The following OR4D1 variants were observed in gnomAD, a reference collection of about 807,000 sequenced individuals.
OR4D1 encodes olfactory receptor 4D1.
In OR4D1, 10 loss-of-function variants were observed where a neutral mutation model predicts 14.2. That is an observed-to-expected ratio of 0.71 (90% CI 0.44 to 1.20). The LOEUF (loss-of-function observed/expected upper bound fraction) is 1.20. OR4D1 is among the 50% of genes most tolerant of loss of function. OR4D1 has a pLI of 0.00. For synonymous variants in OR4D1, 141 were observed against 147.4 expected, an observed-to-expected ratio of 0.96 and a Z score of 0.32; for missense variants, 345 against 376.6, an observed-to-expected ratio of 0.92 and a Z score of 0.70.
rs773583166 is a variant in OR4D1 at position 58,155,182 on chromosome 17, C to A, written c.29C>A (p.Ser10Ter). 1.2e-6 allele frequency: 2 copies of A among 1,614,026 alleles called. No individual in the cohort carries two copies. Among genetic ancestry groups the A allele is most frequent in the Non-Finnish European group, 1.7e-6 (2 of 1,179,920 alleles). Residue 10 changes from serine (S) to a stop codon, truncating the protein, a stop_gained, in exon 4 of 4, where the codon TCA becomes TAA. Transcript: ENST00000268912. LOFTEE classifies it high-confidence loss of function. MEPQNTTQV[S>*]MFVLLGFSQT... Reference sequence around the variant, plus strand: ...GAACCACAGAACACCACACAGGTATCAATGTTTGTCCTCTTAGGGTTTTCA... The same window carrying A: ...GAACCACAGAACACCACACAGGTATAAATGTTTGTCCTCTTAGGGTTTTCA...
intron 2 of OR4D1, among the ~76,000 whole-genome samples, chr17:58,152,630 T>A (rs1967715414): frequency 6.6e-6 from 1 of 152,158 alleles, no homozygotes; most frequent in African/African-American, 2.4e-5. Flanking sequence ...GATAAAAGCA[T>A]ATAAAAATGT....
At position 58,155,601 on chromosome 17, in the gene OR4D1, G is replaced by A; in HGVS notation, c.448G>A (p.Val150Met). Reference protein sequence around the residue: ...LCVGLVVAAWVGGFVHSIVQL... With the variant: ...LCVGLVVAAWMGGFVHSIVQL... Reference sequence around the variant, plus strand: ...TGTGGGCCTGGTAGTAGCCGCCTGGGTGGGGGGCTTTGTCCACTCCATTGT... The same window carrying A: ...TGTGGGCCTGGTAGTAGCCGCCTGGATGGGGGGCTTTGTCCACTCCATTGT... Residue 150 changes from valine to methionine, a missense_variant, in exon 4 of 4, where the codon GTG (valine) becomes ATG (methionine). Transcript: ENST00000268912. 1.2e-6 allele frequency: 2 copies of A among 1,614,128 alleles called. No individual in the cohort carries two copies. Among genetic ancestry groups the A allele is most frequent in the South Asian group, 1.1e-5 (1 of 91,078 alleles).
At chr17:58,151,846 C>A (rs1342767890) in intron 2 of OR4D1, among the ~76,000 whole-genome samples, 1 of 152,108 alleles carries the variant, frequency 6.6e-6, no homozygotes, top group Non-Finnish European at 1.5e-5. Context: ...CTTAAGCATA[C>A]ATTTTTAAAA....
At chr17:58,153,130 C>T (rs981327523) in intron 2 of OR4D1, among the ~76,000 whole-genome samples, 9 of 152,190 alleles carry the variant, frequency 5.9e-5, no homozygotes, top group Non-Finnish European at 1.2e-4. Flanking sequence ...CCCAGTCTAA[C>T]CTTGACACCA....
Position 58,158,455 on chromosome 17 carries a change from C to G in OR4D1, c.*2369C>G, listed in dbSNP as rs1164234744. On this transcript the variant is annotated 3_prime_UTR_variant, in exon 4 of 4. Coordinates refer to ENST00000268912, the MANE Select transcript of OR4D1 (RefSeq NM_001386095.1). ...CCTATCTCTCCCCACGCCCACCCCC[C>G]CCCCACACACACATTTTTACAGTTT... is the stretch of plus-strand genomic sequence containing the variant. 7.0e-6 allele frequency: 1 copy of G among 143,580 alleles called. No individual in the cohort carries two copies. Among genetic ancestry groups the G allele is most frequent in the African/African-American group, 2.6e-5 (1 of 39,182 alleles). 8.9% of individuals were successfully genotyped at this position (143,580 alleles called of 1,614,324 possible). A position where few individuals can be genotyped will look rare whatever the true frequency, so the allele number is the denominator to read the frequency against.
chr17:58,149,776 A>G lies in OR4D1; in HGVS notation c.-147A>G, dbSNP rs1301904795. The G allele has an allele frequency of 6.6e-6, 1 of 152,288 alleles. No homozygotes were observed. Among genetic ancestry groups the G allele is most frequent in the African/African-American group, 2.4e-5 (1 of 41,452 alleles). 9.4% of individuals were successfully genotyped at this position (152,288 alleles called of 1,614,324 possible). A position where few individuals can be genotyped will look rare whatever the true frequency, so the allele number is the denominator to read the frequency against. ...GAAGAGATAAGTTTGGCTGAAGCTG[A>G]ATCTTCTTAGAGGAGAGCAGGTAAG... On this transcript the variant is annotated 5_prime_UTR_variant, in exon 2 of 4. Transcript: ENST00000268912.
Position 58,157,527 on chromosome 17 carries a change from C to A in OR4D1, c.*1441C>A. On this transcript the variant is annotated 3_prime_UTR_variant, in exon 4 of 4. Coordinates refer to ENST00000268912, the MANE Select transcript of OR4D1 (RefSeq NM_001386095.1). ...TCCATTGCAGAGGGTGCGGACTTCT[C>A]CAGCTCTCCGAACCTCACGGAGACT... 23 of 1,385,680 alleles carry A rather than the reference C, an allele frequency of 1.7e-5. No individual in the cohort carries two copies. Among genetic ancestry groups the A allele is most frequent in the Non-Finnish European group, 2.4e-5 (23 of 973,086 alleles). The allele number at this position is 1,385,680 out of a possible 1,614,324, so 85.8% of individuals were successfully genotyped here. A position where few individuals can be genotyped will look rare whatever the true frequency, so the allele number is the denominator to read the frequency against.
chr17:58,148,944 C>G (rs138858612), intron 1 of OR4D1, among the ~76,000 whole-genome samples: 1 of 152,316 alleles, frequency 6.6e-6, no homozygotes, highest in East Asian at 1.9e-4. Context: ...TTCTTCCCTT[C>G]TTTATTGCTG....
intron 3 of OR4D1, among the ~76,000 whole-genome samples, 172 bp downstream of exon 3, chr17:58,154,135 T>C (rs1967736423): frequency 6.6e-6 from 1 of 151,884 alleles, no homozygotes; most frequent in Non-Finnish European, 1.5e-5. Flanking sequence ...TTTTAAATTT[T>C]TTTTATAGAG....
In OR4D1 at chr17:58,158,905, A is replaced by T. The variant is rs867283091; in HGVS notation, c.*2819A>T. 5.9e-5 allele frequency: 9 copies of T among 152,486 alleles called. No individual in the cohort carries two copies. The South Asian group carries it at 1.9e-3, about 32-fold the overall frequency. 9.4% of individuals were successfully genotyped at this position (152,486 alleles called of 1,614,324 possible). A position where few individuals can be genotyped will look rare whatever the true frequency, so the allele number is the denominator to read the frequency against. On this transcript the variant is annotated 3_prime_UTR_variant, in exon 4 of 4. Transcript: ENST00000268912. ...CTTTTTAACATGTCCAGGGCAGAAG[A>T]TAAAGCCATGTTTTGACTTGGTGAA...
At chr17:58,154,146 G>T (rs1254130838) in intron 3 of OR4D1, among the ~76,000 whole-genome samples, 183 bp downstream of exon 3, 1 of 151,848 alleles carries the variant, frequency 6.6e-6, no homozygotes, top group African/African-American at 2.4e-5. Context: ...TTTTATAGAG[G>T]TAGGGGTCTA....
At position 58,156,907 on chromosome 17, in the gene OR4D1, G is replaced by T; in HGVS notation, c.*821G>T. On this transcript the variant is annotated 3_prime_UTR_variant, in exon 4 of 4. Transcript: ENST00000268912. Reference sequence around the variant, plus strand: ...ACCTCCCTGCCTCATTCCCCACTGTGGAATTTAGAAAGTTATCTCGCCCTC... The same window carrying T: ...ACCTCCCTGCCTCATTCCCCACTGTTGAATTTAGAAAGTTATCTCGCCCTC... 1 of 593,700 alleles carries T rather than the reference G, an allele frequency of 1.7e-6. No individual in the cohort carries two copies. The allele number at this position is 593,700 out of a possible 1,614,324, so 36.8% of individuals were successfully genotyped here.
In OR4D1 at chr17:58,156,855, G is replaced by C; in HGVS notation, c.*769G>C. 1 of 434,228 alleles carries C rather than the reference G, an allele frequency of 2.3e-6. No homozygotes were observed. The highest frequency in any genetic ancestry group is 2.0e-5 in the African/African-American group (1 of 49,292). 26.9% of individuals were successfully genotyped at this position (434,228 alleles called of 1,614,324 possible). On this transcript the variant is annotated 3_prime_UTR_variant, in exon 4 of 4. Transcript: ENST00000268912. ...GGTCAACTGCTTCATCTTAACTCTG[G>C]GACAGTTACATTCTTTTCTGCTCCC...
At chr17:58,154,067 C>T (rs1967735665) in intron 3 of OR4D1, among the ~76,000 whole-genome samples, 104 bp downstream of exon 3, 2 of 150,778 alleles carry the variant, frequency 1.3e-5, no homozygotes, top group Non-Finnish European at 3.0e-5. Context: ...GTGATCCTCC[C>T]ACCTCAGCCT....
Position 58,157,456 on chromosome 17 carries a change from C to A in OR4D1, c.*1370C>A. On this transcript the variant is annotated 3_prime_UTR_variant, in exon 4 of 4. Transcript: ENST00000268912. ...AGCCGCGCACAGCCTTTACCACGTC[C>A]CAGCTCCTCGCTCTGGAGGGCAAGT... 1 of 1,110,382 alleles carries A rather than the reference C, an allele frequency of 9.0e-7. No homozygotes were observed. The highest frequency in any genetic ancestry group is 1.4e-6 in the Non-Finnish European group (1 of 730,254). The allele number at this position is 1,110,382 out of a possible 1,614,324, so 68.8% of individuals were successfully genotyped here. A position where few individuals can be genotyped will look rare whatever the true frequency, so the allele number is the denominator to read the frequency against.
chr17:58,151,377 C>T lies in OR4D1; in HGVS notation c.-127+1581C>T, dbSNP rs368866451. Reference sequence around the variant, plus strand: ...TCATCCCATCACCTAAGTATTAAGCCCAGCATCCATTAGCTATTCCTCCTG... The same window carrying T: ...TCATCCCATCACCTAAGTATTAAGCTCAGCATCCATTAGCTATTCCTCCTG... On this transcript the variant is annotated intron_variant, in intron 2 of 3. Transcript: ENST00000268912. Among the ~76,000 whole-genome samples the T allele has an allele frequency of 2.6e-4, 39 of 152,260 alleles. 1 individual carries two copies. The East Asian group carries it at 6.6e-3, about 26-fold the overall frequency.
chr17:58,156,859 A>G lies in OR4D1; in HGVS notation c.*773A>G. 2.2e-6 allele frequency: 1 copy of G among 446,982 alleles called. No individual in the cohort carries two copies. Among genetic ancestry groups the G allele is most frequent in the Non-Finnish European group, 4.1e-6 (1 of 241,858 alleles). The allele number at this position is 446,982 out of a possible 1,614,324, so 27.7% of individuals were successfully genotyped here. A position where few individuals can be genotyped will look rare whatever the true frequency, so the allele number is the denominator to read the frequency against. ...AACTGCTTCATCTTAACTCTGGGAC[A>G]GTTACATTCTTTTCTGCTCCCCACC... On this transcript the variant is annotated 3_prime_UTR_variant, in exon 4 of 4. Coordinates refer to ENST00000268912, the MANE Select transcript of OR4D1 (RefSeq NM_001386095.1).
rs1967819857 is a variant in OR4D1, at chr17:58,159,230, T to C, written c.*3144T>C. 3 of 152,258 alleles carry C rather than the reference T, an allele frequency of 2.0e-5. No homozygotes were observed. Among genetic ancestry groups the C allele is most frequent in the Admixed American group, 2.0e-4 (3 of 15,288 alleles). The allele number at this position is 152,258 out of a possible 1,614,324, so 9.4% of individuals were successfully genotyped here. Reference sequence around the variant, plus strand: ...TGGATAATCTTCACATTGTGCTACTTAGCTGAAATGGCTTAAATATGGCCC... The same window carrying C: ...TGGATAATCTTCACATTGTGCTACTCAGCTGAAATGGCTTAAATATGGCCC... On this transcript the variant is annotated 3_prime_UTR_variant, in exon 4 of 4. Transcript: ENST00000268912.
At position 58,157,489 on chromosome 17, in the gene OR4D1, G is replaced by T; in HGVS notation, c.*1403G>T. 8.6e-7 allele frequency: 1 copy of T among 1,168,876 alleles called. No homozygotes were observed. The highest frequency in any genetic ancestry group is 2.3e-5 in the East Asian group (1 of 42,616). 72.4% of individuals were successfully genotyped at this position (1,168,876 alleles called of 1,614,324 possible). ...TCGCTCTGGAGGGCAAGTTGCTCCA[G>T]AAACAGTACCTCTCCATTGCAGAGG... On this transcript the variant is annotated 3_prime_UTR_variant, in exon 4 of 4. Transcript: ENST00000268912.
Sources: gnomAD v4.1 joint callset for allele counts (sites outside exome capture counted in the v4.1 genomes callset) on GRCh38, gnomAD v4.1.1 for gene constraint, MANE v1.5 for transcripts, NCBI Gene and HGNC (gene_info 2026-07-23, HGNC 2026-07-21) for gene names.